The following ABHD17A variants were observed in gnomAD, a reference collection of about 807,000 sequenced individuals.
ABHD17A encodes alpha/beta hydrolase domain-containing protein 17A.
Under a neutral mutation model 26.8 loss-of-function variants are expected in ABHD17A, and 10 were observed. The ratio of observed to expected loss-of-function variants is 0.37; its 90% CI spans 0.23 to 0.63. The LOEUF (loss-of-function observed/expected upper bound fraction) is 0.63, where lower values mean the gene tolerates loss of function less well. Among genes scored for constraint, ABHD17A ranks in the 30% least tolerant of loss-of-function variants. ABHD17A has a pLI of 0.61. For missense variants in ABHD17A, 292 were observed against 457.3 expected, an observed-to-expected ratio of 0.64 and a Z score of 3.30; for synonymous variants, 167 against 210.9, an observed-to-expected ratio of 0.79 and a Z score of 1.80.
chr19:1,884,788 C>G (rs1047267887), intron 1 of ABHD17A, among the ~76,000 whole-genome samples: 30 of 152,218 alleles, frequency 2.0e-4, no homozygotes, highest in South Asian at 8.3e-4. Flanking sequence ...GTCGCGCCCC[C>G]GAGAGTTTGC....
chr19:1,880,214 T>C lies in ABHD17A; in HGVS notation c.333-99A>G. 10 of 1,293,532 alleles carry C rather than the reference T, an allele frequency of 7.7e-6. No homozygotes were observed. Among genetic ancestry groups the C allele is most frequent in the Non-Finnish European group, 9.7e-6 (9 of 924,856 alleles). 80.1% of individuals were successfully genotyped at this position (1,293,532 alleles called of 1,614,324 possible). A position where few individuals can be genotyped will look rare whatever the true frequency, so the allele number is the denominator to read the frequency against. ...GACAGCCCACCCCGGTGGCCAGCCA[T>C]GCCCAGTGCCTCATTTACTCCCCTC... On this transcript the variant is annotated intron_variant, in intron 2 of 4. Coordinates refer to ENST00000292577, the MANE Select transcript of ABHD17A (RefSeq NM_001130111.2). The surrounding 1 kb of genome is among the most constrained non-coding windows in gnomAD (Gnocchi z 4.1).
chr19:1,877,058 G>C lies in ABHD17A; in HGVS notation c.*142C>G, dbSNP rs1249617112. The C allele has an allele frequency of 1.1e-5, 7 of 611,164 alleles. No individual in the cohort carries two copies. Among genetic ancestry groups the C allele is most frequent in the Middle Eastern group, 8.7e-4 (2 of 2,300 alleles). 37.9% of individuals were successfully genotyped at this position (611,164 alleles called of 1,614,324 possible). On this transcript the variant is annotated 3_prime_UTR_variant, in exon 5 of 5. Coordinates refer to ENST00000292577, the MANE Select transcript of ABHD17A (RefSeq NM_001130111.2). ...AAAGGAGTGCGTAGCTCTGTTGCCT[G>C]TACATCGTCCACAGCCCCTGGGTCG...
rs956734690 is a variant in ABHD17A, at chr19:1,881,320, G to T, written c.247C>A (p.Leu83Met). 5.0e-6 allele frequency: 8 copies of T among 1,610,594 alleles called. No homozygotes were observed. Among genetic ancestry groups the T allele is most frequent in the Non-Finnish European group, 6.8e-6 (8 of 1,179,692 alleles). ...RADFQYSQRE[L>M]DTIEVFPTKS... ...GTGGGGAAGACCTCGATGGTGTCCA[G>T]CTCGCGCTGGCTGTACTGGAAGTCG... Residue 83 changes from leucine to methionine, a missense_variant, in exon 2 of 5, where the codon CTG (leucine) becomes ATG (methionine). Transcript: ENST00000292577.
In ABHD17A at chr19:1,877,161, G is replaced by A. The variant is rs1416576982; in HGVS notation, c.*39C>T. The A allele has an allele frequency of 5.7e-6, 8 of 1,414,624 alleles. No individual in the cohort carries two copies. The African/African-American group carries it at 8.5e-5, about 15-fold the overall frequency. The allele number at this position is 1,414,624 out of a possible 1,614,324, so 87.6% of individuals were successfully genotyped here. A position where few individuals can be genotyped will look rare whatever the true frequency, so the allele number is the denominator to read the frequency against. On this transcript the variant is annotated 3_prime_UTR_variant, in exon 5 of 5. Coordinates refer to ENST00000292577, the MANE Select transcript of ABHD17A (RefSeq NM_001130111.2). The stretch of plus-strand genomic sequence containing the variant: ...GGCCGGCGCGGGGTGAGGTCCGGGG[G>A]CCGCCTTATTGCTGAGGTCCGGCCG...
At position 1,881,520 on chromosome 19, in the gene ABHD17A, G is replaced by A. The variant is rs1414922914; in HGVS notation, c.47C>T (p.Pro16Leu). The A allele has an allele frequency of 3.1e-6, 5 of 1,604,056 alleles. No individual in the cohort carries two copies. The African/African-American group carries it at 5.3e-5, about 17-fold the overall frequency. Reference protein sequence around the residue: ...LSELCCLFCCPPCPGRIAAKL... With the variant: ...LSELCCLFCCLPCPGRIAAKL... ...GGCAGCGATGCGGCCGGGGCAGGGC[G>A]GGCAGCAGAAGAGGCAGCAGAGCTC... Residue 16 changes from proline (P) to leucine (L), a missense_variant, in exon 2 of 5, where the codon CCG becomes CTG. By Grantham distance (98) the Pro-to-Leu change is moderately conservative (BLOSUM62 -3). Coordinates refer to ENST00000292577, the MANE Select transcript of ABHD17A (RefSeq NM_001130111.2).
In ABHD17A at chr19:1,879,943, C is replaced by G; in HGVS notation, c.505G>C (p.Ala169Pro). 6.2e-7 allele frequency: 1 copy of G among 1,611,674 alleles called. No homozygotes were observed. The highest frequency in any genetic ancestry group is 8.5e-7 in the Non-Finnish European group (1 of 1,179,490). ...CACCTGGTGCGCAGGGCCTGCCAGG[C>G]GGCGTCGATGTCGGCATAGAGGTTC... ...ERNLYADIDAAWQALRTRYGI... is the reference protein window; with the variant it reads ...ERNLYADIDAPWQALRTRYGI... The change falls in exon 3 of 5, where the codon GCC (alanine) becomes CCC (proline). Residue 169 changes from alanine to proline, a missense_variant. Transcript: ENST00000292577. This position sits in a 1 kb window ranked among gnomAD's most constrained non-coding sequence, Gnocchi z 7.6.
At chr19:1,877,818 C>A (rs942003444) in intron 3 of ABHD17A, 131 bp from the exon 4 acceptor site, 529 of 844,826 alleles carry the variant, frequency 6.3e-4, no homozygotes, top group Non-Finnish European at 8.4e-4. Flanking sequence ...GTGGGTCAGG[C>A]TCAGGCTCCA....
intron 2 of ABHD17A, 119 bp downstream of exon 2, chr19:1,881,116 G>T: frequency 6.4e-7 from 1 of 1,565,704 alleles, no homozygotes; most frequent in Non-Finnish European, 8.7e-7. Flanking sequence ...CTGGCTGGAT[G>T]GCCCTTCACG....
In ABHD17A at chr19:1,879,594, C is replaced by A; in HGVS notation, c.527+327G>T. 2.4e-6 allele frequency: 1 copy of A among 421,686 alleles called. No homozygotes were observed. Among genetic ancestry groups the A allele is most frequent in the Non-Finnish European group, 4.4e-6 (1 of 225,872 alleles). The allele number at this position is 421,686 out of a possible 1,614,324, so 26.1% of individuals were successfully genotyped here. A position where few individuals can be genotyped will look rare whatever the true frequency, so the allele number is the denominator to read the frequency against. On this transcript the variant is annotated intron_variant, in intron 3 of 4. Coordinates refer to ENST00000292577, the MANE Select transcript of ABHD17A (RefSeq NM_001130111.2). This position sits in a 1 kb window ranked among gnomAD's most constrained non-coding sequence, Gnocchi z 7.6. ...CTCCCAGCCACACGTGCACAGACCC[C>A]CAGACCACCACCCACTCCCTCCCGC...
Position 1,881,385 on chromosome 19 carries a change from C to A in ABHD17A, c.182G>T (p.Gly61Val). 3 of 1,605,600 alleles carry A rather than the reference C, an allele frequency of 1.9e-6. No individual in the cohort carries two copies. The highest frequency in any genetic ancestry group is 1.7e-6 in the Non-Finnish European group (2 of 1,179,066). The part of the protein sequence containing the change: ...APLGTLRASS[G>V]APGRWKLHLT... ...GTGCAGCTTCCAGCGCCCGGGTGCG[C>A]CCGAGGAGGCTCTCAGGGTCCCCAA... Residue 61 changes from glycine to valine, a missense_variant, in exon 2 of 5, where the codon GGC (glycine) becomes GTC (valine). Physicochemically the swap from Gly to Val is moderately radical, Grantham distance 109. Coordinates refer to ENST00000292577, the MANE Select transcript of ABHD17A (RefSeq NM_001130111.2).
chr19:1,878,022 T>G (rs942136185), intron 3 of ABHD17A: 19 of 355,976 alleles, frequency 5.3e-5, no homozygotes. Flanking sequence ...CACCCCTAGG[T>G]GCACACTGGG....
In ABHD17A at chr19:1,879,217, T is replaced by C; in HGVS notation, c.527+704A>G. 1 of 154,768 alleles carries C rather than the reference T, an allele frequency of 6.5e-6. No individual in the cohort carries two copies. The highest frequency in any genetic ancestry group is 1.9e-4 in the East Asian group (1 of 5,188). 9.6% of individuals were successfully genotyped at this position (154,768 alleles called of 1,614,324 possible). ...TCCCTGTGGGAGCAGGTCAGACCAG[T>C]GGGCTGGGCAGGGCCAGGACGAGAC... On this transcript the variant is annotated intron_variant, in intron 3 of 4. Coordinates refer to ENST00000292577, the MANE Select transcript of ABHD17A (RefSeq NM_001130111.2). The surrounding 1 kb of genome is among the most constrained non-coding windows in gnomAD (Gnocchi z 7.6).
Position 1,881,443 on chromosome 19 carries a change from C to G in ABHD17A, c.124G>C (p.Glu42Gln), listed in dbSNP as rs760855957. ...GCCCCGGCCCCACCAGGCCCCGGCT[C>G]GGGCTCAGGCACCAGGGAGTAGGTG... ...EATYSLVPEP[E>Q]PGPGGAGAAP... is the part of the protein sequence containing the mutation. Residue 42 changes from glutamate (E) to glutamine (Q), a missense_variant, in exon 2 of 5, where the codon GAG becomes CAG. Glu to Gln is a conservative substitution (Grantham distance 29). Coordinates refer to ENST00000292577, the MANE Select transcript of ABHD17A (RefSeq NM_001130111.2). The G allele has an allele frequency of 3.1e-6, 5 of 1,602,424 alleles. No individual in the cohort carries two copies. In the African/African-American group the frequency reaches 6.7e-5, roughly 21 times the overall value.
Position 1,881,438 on chromosome 19 carries a change from C to T in ABHD17A, c.129G>A (p.Pro43=), listed in dbSNP as rs544335127. ...ATYSLVPEPE[P]GPGGAGAAPL... is the part of the protein sequence containing the mutation. ...GGGCGGCCCCGGCCCCACCAGGCCC[C>T]GGCTCGGGCTCAGGCACCAGGGAGT... is the stretch of plus-strand genomic sequence containing the variant. Residue 43 remains proline, a synonymous_variant, in exon 2 of 5, where the codon CCG becomes CCA. Transcript: ENST00000292577. The T allele has an allele frequency of 6.9e-6, 11 of 1,602,172 alleles. No homozygotes were observed. The Admixed American group carries it at 1.0e-4, about 15-fold the overall frequency.
Position 1,879,605 on chromosome 19 carries a change from C to T in ABHD17A, c.527+316G>A, listed in dbSNP as rs2012464713. 1 of 442,954 alleles carries T rather than the reference C, an allele frequency of 2.3e-6. No homozygotes were observed. The allele number at this position is 442,954 out of a possible 1,614,324, so 27.4% of individuals were successfully genotyped here. On this transcript the variant is annotated intron_variant, in intron 3 of 4. Coordinates refer to ENST00000292577, the MANE Select transcript of ABHD17A (RefSeq NM_001130111.2). This position sits in a 1 kb window ranked among gnomAD's most constrained non-coding sequence, Gnocchi z 7.6. The stretch of plus-strand genomic sequence containing the variant: ...ACGTGCACAGACCCCCAGACCACCA[C>T]CCACTCCCTCCCGCCGGGTGGCATC...
rs1425753166 is a variant in ABHD17A, at chr19:1,885,490, G to C, written c.-377C>G. 1 of 152,302 alleles carries C rather than the reference G, an allele frequency of 6.6e-6. No individual in the cohort carries two copies. The highest frequency in any genetic ancestry group is 1.9e-4 in the East Asian group (1 of 5,186). The allele number at this position is 152,302 out of a possible 1,614,324, so 9.4% of individuals were successfully genotyped here. A position where few individuals can be genotyped will look rare whatever the true frequency, so the allele number is the denominator to read the frequency against. On this transcript the variant is annotated 5_prime_UTR_variant, in exon 1 of 5. Transcript: ENST00000292577. The stretch of plus-strand genomic sequence containing the variant: ...CGCAGCTCCCCCCACGGACGGAAGT[G>C]AGCCTCGTTCTCACCACCGCCCCGG...
Position 1,876,909 on chromosome 19 carries a change from GC to G in ABHD17A, c.*290del. ...TCAGGGACGAAACCTGGGAACCCCG[GC>G]CCCCTTTCGAGCTCGCTGAGCGCTC... On this transcript the variant is annotated 3_prime_UTR_variant, in exon 5 of 5. Transcript: ENST00000292577. The G allele has an allele frequency of 2.2e-6, 1 of 448,152 alleles. No homozygotes were observed. Among genetic ancestry groups the G allele is most frequent in the South Asian group, 2.3e-5 (1 of 44,404 alleles). 27.8% of individuals were successfully genotyped at this position (448,152 alleles called of 1,614,324 possible).
intron 1 of ABHD17A, among the ~76,000 whole-genome samples, chr19:1,884,911 C>G (rs1293129819): frequency 6.6e-6 from 1 of 152,140 alleles, no homozygotes; most frequent in Non-Finnish European, 1.5e-5. Context: ...CCGGGAAGCC[C>G]GCCCAGGAGT....
rs1284533466 is a variant in ABHD17A, at chr19:1,879,081, G to C, written c.527+840C>G. The C allele has an allele frequency of 6.6e-6, 1 of 152,326 alleles. No individual in the cohort carries two copies. The highest frequency in any genetic ancestry group is 1.5e-5 in the Non-Finnish European group (1 of 68,116). The allele number at this position is 152,326 out of a possible 1,614,324, so 9.4% of individuals were successfully genotyped here. A position where few individuals can be genotyped will look rare whatever the true frequency, so the allele number is the denominator to read the frequency against. ...CTGCTGGGAGGCCCCCAGAGCCAGG[G>C]TGGTGCCAGGGGACCAGCTCCCAGG... On this transcript the variant is annotated intron_variant, in intron 3 of 4. Transcript: ENST00000292577. The surrounding 1 kb of genome is among the most constrained non-coding windows in gnomAD (Gnocchi z 7.6).
Sources: gnomAD v4.1 joint callset for allele counts (sites outside exome capture counted in the v4.1 genomes callset) on GRCh38, gnomAD v4.1.1 for gene constraint, Gnocchi (gnomAD v3.1) non-coding constraint, MANE v1.5 for transcripts, NCBI Gene and HGNC (gene_info 2026-07-23, HGNC 2026-07-21) for gene names.